The following ZNF613 variants were observed in gnomAD, a reference collection of about 807,000 sequenced individuals.
ZNF613 encodes the protein zinc finger protein 613.
Under a neutral mutation model 14.3 loss-of-function variants are expected in ZNF613, and 8 were observed. That is an observed-to-expected ratio of 0.56 (90% CI 0.33 to 1.01). The LOEUF (loss-of-function observed/expected upper bound fraction) is 1.01, where lower values mean the gene tolerates loss of function less well. ZNF613 is among the 50% of genes least tolerant of loss of function. ZNF613 has a pLI of 0.03. For synonymous variants in ZNF613, 228 were observed against 254.5 expected (o/e 0.90, Z 0.99); for missense variants, 656 against 741.9 (o/e 0.88, Z 1.35).
rs1460779022 is a variant in ZNF613, at chr19:51,944,283, A to G, written c.400A>G (p.Lys134Glu). 5 of 1,600,222 alleles carry G rather than the reference A, an allele frequency of 3.1e-6. No homozygotes were observed. The highest frequency in any genetic ancestry group is 4.3e-6 in the Non-Finnish European group (5 of 1,172,654). The change falls in exon 6 of 6, where the codon AAA becomes GAA. Residue 134 changes from lysine (K) to glutamate (E), a missense_variant. Transcript: ENST00000293471. ...QNHDTFDLHG[K>E]ILKSNLSLVN... The stretch of plus-strand genomic sequence containing the variant: ...TCATGATACATTTGACTTACATGGG[A>G]AAATACTGAAATCAAATTTAAGTTT...
At chr19:51,938,725 G>GATAGATATAT (rs1413058995) in intron 3 of ZNF613, among the ~76,000 whole-genome samples, 18 of 118,898 alleles carry the variant, frequency 1.5e-4, no homozygotes, top group Non-Finnish European at 2.6e-4. Flanking sequence ...AATGTACATG[G>GATAGATATAT]ATATATATAT....
intron 2 of ZNF613, among the ~76,000 whole-genome samples, chr19:51,931,785 C>T (rs1342686725): frequency 2.0e-5 from 3 of 152,190 alleles, no homozygotes; most frequent in Admixed American, 1.3e-4. Flanking sequence ...CCCTGGCAAC[C>T]AACTATGTGC....
At chr19:51,938,725 GATATATATATAT>G (rs113608259) in intron 3 of ZNF613, among the ~76,000 whole-genome samples, 7 of 118,900 alleles carry the variant, frequency 5.9e-5, no homozygotes, top group East Asian at 2.2e-4. Context: ...AATGTACATG[GATATATATATAT>G]ATATATATAT....
In ZNF613 at chr19:51,936,601, A is replaced by G. The variant is rs137885710; in HGVS notation, c.15+366A>G. On this transcript the variant is annotated intron_variant, in intron 3 of 5. Transcript: ENST00000293471. ...CCTCCTGGGCTCAAGCGATCATCCC[A>G]TCTCAGCCTCCTAACTAGCTGGGAG... 4.4e-4 allele frequency among the ~76,000 whole-genome samples: 67 copies of G among 152,158 alleles called. 1 individual carries two copies. The South Asian group carries it at 9.1e-3, about 21-fold the overall frequency.
At chr19:51,939,428 A>C (rs766358726) in intron 3 of ZNF613, among the ~76,000 whole-genome samples, 1 of 152,078 alleles carries the variant, frequency 6.6e-6, no homozygotes, top group Non-Finnish European at 1.5e-5. Context: ...TCCTGGGTTC[A>C]AGTGATTCTC....
intron 1 of ZNF613, among the ~76,000 whole-genome samples, chr19:51,928,211 A>G (rs1210517902): frequency 6.6e-6 from 1 of 152,162 alleles, no homozygotes; most frequent in Non-Finnish European, 1.5e-5. Context: ...TACGGGCGTG[A>G]GCCTTCGCTC....
chr19:51,931,239 G>A (rs2085261611), intron 2 of ZNF613, among the ~76,000 whole-genome samples: 1 of 152,090 alleles, frequency 6.6e-6, no homozygotes, highest in Non-Finnish European at 1.5e-5. Flanking sequence ...GGATTTTTGG[G>A]TTCTAGTAAT....
rs1232151530 is a variant in ZNF613, at chr19:51,945,866, T to G, written c.*129T>G. On this transcript the variant is annotated 3_prime_UTR_variant, in exon 6 of 6. Transcript: ENST00000293471. ...CCCTTGAATAAAACCTTATGGCTAATAAGCATATACTCAGAGAAAAATAGT... is the reference window on the plus strand; with the variant it reads ...CCCTTGAATAAAACCTTATGGCTAAGAAGCATATACTCAGAGAAAAATAGT... 1.0e-6 allele frequency: 1 copy of G among 987,572 alleles called. No homozygotes were observed. The highest frequency in any genetic ancestry group is 1.6e-5 in the African/African-American group (1 of 61,786). The allele number at this position is 987,572 out of a possible 1,614,324, so 61.2% of individuals were successfully genotyped here.
Position 51,945,407 on chromosome 19 carries a change from G to A in ZNF613, c.1524G>A (p.Gly508=). 1 of 1,613,714 alleles carries A rather than the reference G, an allele frequency of 6.2e-7. No individual in the cohort carries two copies. ...ACAGACATCGGAGAACTCATACAGG[G>A]GAGAGACCGTATGGATGCTCTGATT... ...CLNRHRRTHT[G]ERPYGCSDCG... Residue 508 remains glycine, a synonymous_variant, in exon 6 of 6, where the codon GGG becomes GGA. Transcript: ENST00000293471.
In ZNF613 at chr19:51,934,761, A is replaced by C. The variant is rs542911850; in HGVS notation, c.-193-1267A>C. On this transcript the variant is annotated intron_variant, in intron 2 of 5. Transcript: ENST00000293471. ...AAAATGAAGTAGAAGCTCTTCAGCT[A>C]TTCCTGGGAAAGGGGCTGTGGAAGC... Among the ~76,000 whole-genome samples, 4 of 152,338 alleles carry C rather than the reference A, an allele frequency of 2.6e-5. No homozygotes were observed. In the South Asian group the frequency reaches 6.2e-4, roughly 24 times the overall value.
intron 2 of ZNF613, among the ~76,000 whole-genome samples, chr19:51,932,164 C>A (rs2085271033): frequency 6.6e-6 from 1 of 152,110 alleles, no homozygotes; most frequent in Non-Finnish European, 1.5e-5. Context: ...TGGTGGCCCT[C>A]AGCAAAGCTG....
intron 5 of ZNF613, among the ~76,000 whole-genome samples, chr19:51,943,187 C>T (rs528124125): frequency 6.6e-6 from 1 of 152,326 alleles, no homozygotes; most frequent in Non-Finnish European, 1.5e-5. Flanking sequence ...AAGAGTGATT[C>T]TCTTCCATCT....
chr19:51,928,993 T>C (rs1176162330), intron 1 of ZNF613, among the ~76,000 whole-genome samples: 1 of 152,148 alleles, frequency 6.6e-6, no homozygotes, highest in Non-Finnish European at 1.5e-5. Context: ...CACACGTAAA[T>C]ATTTTCTTTC....
chr19:51,942,063 T>A (rs1171888570), intron 5 of ZNF613, among the ~76,000 whole-genome samples: 3 of 152,236 alleles, frequency 2.0e-5, no homozygotes, highest in African/African-American at 7.2e-5. Flanking sequence ...AGATGGAAAT[T>A]TCTCATCTGT....
rs138823400 is a variant in ZNF613, at chr19:51,946,207, A to C, written c.*470A>C. The C allele has an allele frequency of 1.2e-4, 20 of 160,936 alleles. No individual in the cohort carries two copies. The East Asian group carries it at 3.3e-3, about 26-fold the overall frequency. The allele number at this position is 160,936 out of a possible 1,614,324, so 10.0% of individuals were successfully genotyped here. A position where few individuals can be genotyped will look rare whatever the true frequency, so the allele number is the denominator to read the frequency against. On this transcript the variant is annotated 3_prime_UTR_variant, in exon 6 of 6. Transcript: ENST00000293471. The stretch of plus-strand genomic sequence containing the variant: ...CAAAATATGAAAGAACACACGAAGC[A>C]AATAAGCCCTGTGAAAAGGAGTATT...
At chr19:51,930,248 T>C (rs553124532) in intron 2 of ZNF613, among the ~76,000 whole-genome samples, 2 of 152,222 alleles carry the variant, frequency 1.3e-5, no homozygotes, top group Middle Eastern at 3.4e-3. Context: ...TTGTGACTGG[T>C]TTCTTTCACA....
In ZNF613 at chr19:51,945,500, A is replaced by G; in HGVS notation, c.1617A>G (p.Lys539=). 1 of 1,614,176 alleles carries G rather than the reference A, an allele frequency of 6.2e-7. No individual in the cohort carries two copies. The highest frequency in any genetic ancestry group is 8.5e-7 in the Non-Finnish European group (1 of 1,180,020). ...YHKGMLHARE[K]CVGSVKLENP... is the part of the protein sequence containing the mutation. Reference sequence around the variant, plus strand: ...AGGGAATGCTGCATGCAAGAGAGAAATGTGTAGGTTCAGTCAAATTGGAAA... The same window carrying G: ...AGGGAATGCTGCATGCAAGAGAGAAGTGTGTAGGTTCAGTCAAATTGGAAA... Residue 539 remains lysine, a synonymous_variant, in exon 6 of 6, where the codon AAA becomes AAG. Coordinates refer to ENST00000293471, the MANE Select transcript of ZNF613 (RefSeq NM_001031721.4).
In ZNF613 at chr19:51,944,275, T is replaced by C; in HGVS notation, c.392T>C (p.Leu131Ser). ...PLRQNHDTFDLHGKILKSNLS... is the reference protein window; with the variant it reads ...PLRQNHDTFDSHGKILKSNLS... ...AGGCAAAATCATGATACATTTGACT[T>C]ACATGGGAAAATACTGAAATCAAAT... Residue 131 changes from leucine to serine, a missense_variant, in exon 6 of 6, where the codon TTA (leucine) becomes TCA (serine). Physicochemically the swap from Leu to Ser is moderately radical, Grantham distance 145. Coordinates refer to ENST00000293471, the MANE Select transcript of ZNF613 (RefSeq NM_001031721.4). The C allele has an allele frequency of 6.2e-7, 1 of 1,605,186 alleles. No homozygotes were observed. The highest frequency in any genetic ancestry group is 2.2e-5 in the East Asian group (1 of 44,736).
chr19:51,943,240 T>C (rs2085364976), intron 5 of ZNF613, among the ~76,000 whole-genome samples: 1 of 151,952 alleles, frequency 6.6e-6, no homozygotes, highest in Non-Finnish European at 1.5e-5. Context: ...AATACAGGAG[T>C]CCCCTGTTAT....
Sources: allele counts gnomAD v4.1 joint callset (sites outside exome capture counted in the v4.1 genomes callset), GRCh38; gene constraint gnomAD v4.1.1; transcripts MANE v1.5; gene names NCBI Gene and HGNC (gene_info 2026-07-23, HGNC 2026-07-21).